Variants in GRTP1 observed in about 807,000 individuals in gnomAD.
GRTP1 encodes the protein growth hormone regulated TBC protein 1.
A neutral mutation model predicts 38.1 loss-of-function variants in GRTP1; 56 were observed. That is an observed-to-expected ratio of 1.47 (90% CI 1.19 to 1.84). GRTP1 has a LOEUF of 1.84. Ranked by LOEUF, GRTP1 falls within the 40% of genes most tolerant of loss-of-function variation. The pLI is 0.00. For missense variants in GRTP1, 506 were observed against 453.9 expected, an observed-to-expected ratio of 1.11 and a Z score of -1.04; for synonymous variants, 217 against 189.5, an observed-to-expected ratio of 1.14 and a Z score of -1.19.
intron 5 of GRTP1, among the ~76,000 whole-genome samples, chr13:113,338,118 G>C (rs950230206): frequency 1.8e-4 from 28 of 152,280 alleles, no homozygotes; most frequent in African/African-American, 6.0e-4. Context: ...TCAGTCACGC[G>C]GCAGGGCCCG....
rs1424352024 is a variant in GRTP1 at position 113,343,314 on chromosome 13, G to C, written c.562+1549C>G. 6.6e-6 allele frequency among the ~76,000 whole-genome samples: 1 copy of C among 152,144 alleles called. No homozygotes were observed. The highest frequency in any genetic ancestry group is 1.5e-5 in the Non-Finnish European group (1 of 68,024). On this transcript the variant is annotated intron_variant, in intron 5 of 7. Coordinates refer to ENST00000375431, the MANE Select transcript of GRTP1 (RefSeq NM_024719.4). The surrounding 1 kb of genome is among the most constrained non-coding windows in gnomAD (Gnocchi z 4.8). ...AGCCGGCATCCTTTCCGCCCTGCGA[G>C]GTTCTGCCTGCTGCTGCTGCTGCTG...
chr13:113,335,453 C>CTG (rs34021181), intron 5 of GRTP1, among the ~76,000 whole-genome samples: 148,204 of 151,990 alleles, frequency 0.98, 72,372 homozygotes, highest in Non-Finnish European at 1. Context: ...ACCTGGGTAA[C>CTG]GGATCCACCC....
intron 3 of GRTP1, among the ~76,000 whole-genome samples, chr13:113,353,318 C>T (rs992250654): frequency 6.6e-6 from 1 of 152,250 alleles, no homozygotes; most frequent in Non-Finnish European, 1.5e-5. Flanking sequence ...CCCAGGCTCA[C>T]GGCCATGCCA....
intron 3 of GRTP1, 170 bp from the exon 4 acceptor site, chr13:113,351,143 A>G: frequency 9.6e-6 from 3 of 311,218 alleles, no homozygotes; most frequent in Non-Finnish European, 1.4e-5. Context: ...TCACTGGGCC[A>G]GGAAGGAGGG....
In GRTP1 at chr13:113,324,492, C is replaced by G. The variant is rs746046916; in HGVS notation, c.1007G>C (p.Gly336Ala). ...CAACGCAGGGGACAGGCACGCTCAC[C>G]CCTGTGCCAGCAGCCGGGCCCTGCA... The part of the protein sequence containing the change: ...ESCRARLLAQ[G>A] The change falls in exon 8 of 8, where the codon GGG becomes GCG. Residue 336 changes from glycine to alanine, a missense_variant. Physicochemically the swap from Gly to Ala is moderately conservative, Grantham distance 60 (BLOSUM62 0). Coordinates refer to ENST00000375431, the MANE Select transcript of GRTP1 (RefSeq NM_024719.4). 1 of 1,608,582 alleles carries G rather than the reference C, an allele frequency of 6.2e-7. No homozygotes were observed. The highest frequency in any genetic ancestry group is 1.7e-5 in the Admixed American group (1 of 59,418).
intron 2 of GRTP1, among the ~76,000 whole-genome samples, chr13:113,362,555 G>A (rs1399496993): frequency 6.6e-6 from 1 of 152,156 alleles, no homozygotes; most frequent in African/African-American, 2.4e-5. Context: ...AGGATGGCTG[G>A]AGCCCAGGAG....
At chr13:113,358,378 T>C (rs533964423) in intron 2 of GRTP1, among the ~76,000 whole-genome samples, 54 of 152,338 alleles carry the variant, frequency 3.5e-4, no homozygotes, top group African/African-American at 1.2e-3. Context: ...AGGCTCACTC[T>C]TAAGACGTCA....
intron 3 of GRTP1, among the ~76,000 whole-genome samples, chr13:113,354,331 C>A (rs958458622): frequency 6.6e-6 from 1 of 152,142 alleles, no homozygotes; most frequent in Non-Finnish European, 1.5e-5. Flanking sequence ...GGCTCAGCCC[C>A]GTGGACAGGA....
rs758812948 is a variant in GRTP1 at position 113,326,063 on chromosome 13, C to G, written c.591G>C (p.Leu197=). The change falls in exon 6 of 8, where the codon CTG becomes CTC. Residue 197 remains leucine, a synonymous_variant. Coordinates refer to ENST00000375431, the MANE Select transcript of GRTP1 (RefSeq NM_024719.4). Reference sequence around the variant, plus strand: ...CCCCGAGGACCTCCTGGTCGGTCTTCAGGCCCAGCATGGCCGGGCTGTAGT... The same window carrying G: ...CCCCGAGGACCTCCTGGTCGGTCTTGAGGCCCAGCATGGCCGGGCTGTAGT... ...PDYYSPAMLG[L]KTDQEVLGEL... The G allele has an allele frequency of 7.4e-6, 12 of 1,611,650 alleles. No individual in the cohort carries two copies. In the East Asian group the frequency reaches 2.7e-4, roughly 36 times the overall value.
intron 2 of GRTP1, chr13:113,355,747 CAG>C (rs1038934389): frequency 9.5e-5 from 28 of 295,490 alleles, no homozygotes; most frequent in African/African-American, 5.4e-4. Flanking sequence ...GGTCAAGAAA[CAG>C]AGCCGCGGTC....
intron 5 of GRTP1, among the ~76,000 whole-genome samples, chr13:113,334,280 A>ACTGCCCCCCCCCCCCCCCCG (rs1202504022): frequency 7.0e-6 from 1 of 142,472 alleles, no homozygotes; most frequent in Non-Finnish European, 1.5e-5. Context: ...CACTGCCACG[A>ACTGCCCCCCCCCCCCCCCCG]CAGCCTCCCG....
At chr13:113,346,199 CAGACCCG>C (rs2043120777) in intron 4 of GRTP1, among the ~76,000 whole-genome samples, 2 of 83,320 alleles carry the variant, frequency 2.4e-5, no homozygotes, top group African/African-American at 4.7e-5. Context: ...TGGCTGAGAG[CAGACCCG>C]GGAGGACCTC....
intron 2 of GRTP1, among the ~76,000 whole-genome samples, chr13:113,360,526 T>A (rs1433658590): frequency 6.6e-6 from 1 of 152,222 alleles, no homozygotes. Context: ...GAATAACTCG[T>A]CCACTCCAGT....
rs1359974297 is a variant in GRTP1, at chr13:113,349,946, C to G, written c.465+903G>C. Among the ~76,000 whole-genome samples the G allele has an allele frequency of 6.6e-6, 1 of 152,158 alleles. No individual in the cohort carries two copies. Among genetic ancestry groups the G allele is most frequent in the Admixed American group, 6.5e-5 (1 of 15,284 alleles). On this transcript the variant is annotated intron_variant, in intron 4 of 7. Coordinates refer to ENST00000375431, the MANE Select transcript of GRTP1 (RefSeq NM_024719.4). This position sits in a 1 kb window ranked among gnomAD's most constrained non-coding sequence, Gnocchi z 5.0. ...AGAAACGTTTAAGCCAGCCACAACC[C>G]CTAGGAGCCCGTGAAGCACATGGCC...
At chr13:113,345,100 A>G (rs368387782) in intron 4 of GRTP1, 141 bp from the exon 5 acceptor site, 14 of 935,384 alleles carry the variant, frequency 1.5e-5, no homozygotes, top group Non-Finnish European at 2.1e-5. Context: ...ATGATCCTTT[A>G]GTAGAACTCT....
At chr13:113,331,909 G>A (rs141029597) in intron 5 of GRTP1, among the ~76,000 whole-genome samples, 1 of 150,104 alleles carries the variant, frequency 6.7e-6, no homozygotes, top group Non-Finnish European at 1.5e-5. Context: ...CACCCACCTC[G>A]GCCTCCCAAA....
chr13:113,335,949 C>T (rs1214568205), intron 5 of GRTP1, among the ~76,000 whole-genome samples: 6 of 152,140 alleles, frequency 3.9e-5, no homozygotes, highest in African/African-American at 1.2e-4. Flanking sequence ...CCCGCCACCA[C>T]GCCTGGCTAC....
rs190159847 is a variant in GRTP1 at position 113,360,362 on chromosome 13, T to G, written c.181+3400A>C. ...GGCAGAATACATAATAACTGTCCCT[T>G]AAGACATGTGGAATGCTGAGATTGG... On this transcript the variant is annotated intron_variant, in intron 2 of 7. Transcript: ENST00000375431. 1.0e-3 allele frequency: 152 copies of G among 152,248 alleles called. 1 individual carries two copies. The highest frequency in any genetic ancestry group is 3.5e-3 in the African/African-American group (144 of 41,540). The allele number at this position is 152,248 out of a possible 1,614,324, so 9.4% of individuals were successfully genotyped here. A position where few individuals can be genotyped will look rare whatever the true frequency, so the allele number is the denominator to read the frequency against.
chr13:113,337,264 C>CTCT (rs2042967186), intron 5 of GRTP1, among the ~76,000 whole-genome samples: 4 of 152,176 alleles, frequency 2.6e-5, no homozygotes, highest in Admixed American at 2.0e-4. Flanking sequence ...CACTGTACTC[C>CTCT]AGCCTGGCAA....
Sources: gnomAD v4.1 joint callset for allele counts (sites outside exome capture counted in the v4.1 genomes callset) on GRCh38, gnomAD v4.1.1 for gene constraint, Gnocchi (gnomAD v3.1) non-coding constraint, MANE v1.5 for transcripts, NCBI Gene and HGNC (gene_info 2026-07-23, HGNC 2026-07-21) for gene names.